PHEX: variants seen among roughly 807,000 people sequenced by gnomAD.
The protein encoded by PHEX is phosphate regulating endopeptidase X-linked.
Under a neutral mutation model 68.0 loss-of-function variants are expected in PHEX, and 16 were observed. The ratio of observed to expected loss-of-function variants is 0.24; its 90% confidence interval spans 0.16 to 0.36. PHEX has a LOEUF of 0.36. Among genes scored for constraint, PHEX ranks in the 10% least tolerant of loss-of-function variants. The probability of loss-of-function intolerance (pLI) is 1.00; values close to 1 mark genes in which losing one functional copy is unlikely to be tolerated. For missense variants in PHEX, 480 were observed against 575.5 expected (o/e 0.83, Z 1.70); for synonymous variants, 208 against 205.1 (o/e 1.01, Z -0.12).
At chrX:22,114,110 C>T (rs186082223) in intron 10 of PHEX, among the ~76,000 whole-genome samples, 8 of 108,183 alleles carry the variant, frequency 7.4e-5, no homozygotes, top group African/African-American at 2.0e-4. Flanking sequence ...CCACCGTGCC[C>T]GGCTAATTTT....
intron 9 of PHEX, among the ~76,000 whole-genome samples, chrX:22,107,198 T>A (rs752636500): frequency 7.8e-4 from 88 of 112,141 alleles, no homozygotes; most frequent in Non-Finnish European, 1.3e-3. Flanking sequence ...AATGGGATGA[T>A]CTCAGGGGAG....
intron 5 of PHEX, among the ~76,000 whole-genome samples, chrX:22,082,303 G>A (rs1181754027): frequency 8.9e-6 from 1 of 111,739 alleles, no homozygotes; most frequent in Non-Finnish European, 1.9e-5. Flanking sequence ...ACAGTGGCTG[G>A]ACTAATTTAC....
At chrX:22,236,808 T>A (rs989240806) in intron 20 of PHEX, among the ~76,000 whole-genome samples, 1 of 107,533 alleles carries the variant, frequency 9.3e-6, no homozygotes, top group African/African-American at 3.4e-5. Context: ...CAATCAGTTC[T>A]TACTATTTAC....
Position 22,244,846 on chromosome X carries a change from C to G in PHEX, c.2071-487C>G, listed in dbSNP as rs768153656. Reference sequence around the variant, plus strand: ...GGCCAGAACAAGCCATATCGCCATGCCCAACTTCAAAGGAGATGGAGAAGT... The same window carrying G: ...GGCCAGAACAAGCCATATCGCCATGGCCAACTTCAAAGGAGATGGAGAAGT... On this transcript the variant is annotated intron_variant, in intron 20 of 21. Coordinates refer to ENST00000379374, the MANE Select transcript of PHEX (RefSeq NM_000444.6). Among the ~76,000 whole-genome samples, 1,029 of 111,605 alleles carry G rather than the reference C, an allele frequency of 9.2e-3. 9 individuals are homozygous for G. The highest frequency in any genetic ancestry group is 0.032 in the African/African-American group (982 of 30,677).
intron 5 of PHEX, among the ~76,000 whole-genome samples, chrX:22,087,583 C>G (rs1336856578): frequency 9.0e-6 from 1 of 111,575 alleles, no homozygotes; most frequent in East Asian, 2.8e-4. Context: ...TCATGGAAAA[C>G]TGTAATCTTA....
Position 22,190,044 on chromosome X carries a change from G to A in PHEX, c.1587-400G>A, listed in dbSNP as rs141736631. 7.6e-3 allele frequency among the ~76,000 whole-genome samples: 852 copies of A among 112,086 alleles called. 8 individuals are homozygous for A. Among genetic ancestry groups the A allele is most frequent in the African/African-American group, 0.026 (802 of 30,836 alleles). ...TTTAAATGGACAGGCCAGAGGTAAT[G>A]CAGCATAGAAACCCAATTGTCCATT... On this transcript the variant is annotated intron_variant, in intron 14 of 21. Transcript: ENST00000379374.
chrX:22,108,293 A>G (rs780365465), intron 9 of PHEX, among the ~76,000 whole-genome samples: 2 of 111,201 alleles, frequency 1.8e-5, no homozygotes, highest in African/African-American at 6.5e-5. Flanking sequence ...CTATATCTTT[A>G]TTTAAATTTA....
chrX:22,211,994 C>T (rs1282636132), intron 15 of PHEX, among the ~76,000 whole-genome samples: 4 of 111,580 alleles, frequency 3.6e-5, no homozygotes, highest in Non-Finnish European at 7.5e-5. Context: ...CACATGGGGA[C>T]TATTACAATT....
Position 22,233,454 on chromosome X carries a change from C to T in PHEX, c.2070+5843C>T, listed in dbSNP as rs140285162. Among the ~76,000 whole-genome samples, 12 of 111,447 alleles carry T rather than the reference C, an allele frequency of 1.1e-4. 1 individual carries two copies. The East Asian group carries it at 2.8e-3, about 26-fold the overall frequency. On this transcript the variant is annotated intron_variant, in intron 20 of 21. Transcript: ENST00000379374. ...GTCACTTTCAGGTACACCAATCAAACGTAGATTTGGTCTTTTCACATAGTC... is the reference window on the plus strand; with the variant it reads ...GTCACTTTCAGGTACACCAATCAAATGTAGATTTGGTCTTTTCACATAGTC...
intron 18 of PHEX, among the ~76,000 whole-genome samples, chrX:22,223,805 G>C (rs1482864513): frequency 8.9e-6 from 1 of 112,573 alleles, no homozygotes; most frequent in Non-Finnish European, 1.9e-5. Context: ...AGCAGGAGTG[G>C]ATATAATCAT....
In PHEX at chrX:22,241,144, A is replaced by T. The variant is rs991386207; in HGVS notation, c.2071-4189A>T. 2.7e-5 allele frequency among the ~76,000 whole-genome samples: 3 copies of T among 112,277 alleles called. No homozygotes were observed. In the East Asian group the frequency reaches 8.3e-4, roughly 31 times the overall value. ...AACTCACTCAAAACTCCCCAACTAC[A>T]TGGAAACTGAACAACCTGCACCTGA... On this transcript the variant is annotated intron_variant, in intron 20 of 21. Transcript: ENST00000379374.
At chrX:22,085,277 T>C (rs151017677) in intron 5 of PHEX, among the ~76,000 whole-genome samples, 149 of 111,697 alleles carry the variant, frequency 1.3e-3, no homozygotes, top group African/African-American at 4.7e-3. Context: ...GCATATTGTT[T>C]AATTTCCACG....
chrX:22,208,352 G>C (rs1307181739), intron 15 of PHEX, among the ~76,000 whole-genome samples: 2 of 112,025 alleles, frequency 1.8e-5, no homozygotes, highest in Non-Finnish European at 3.8e-5. Context: ...GTCTATATCT[G>C]TACCTTGCTT....
At chrX:22,179,491 C>T (rs1023595234) in intron 14 of PHEX, among the ~76,000 whole-genome samples, 14 of 108,249 alleles carry the variant, frequency 1.3e-4, no homozygotes, top group Non-Finnish European at 2.5e-4. Context: ...CCCACTCTTT[C>T]CCCCTAAGTC....
chrX:22,080,233 T>C (rs996647460), intron 5 of PHEX, among the ~76,000 whole-genome samples: 2 of 112,166 alleles, frequency 1.8e-5, no homozygotes, highest in African/African-American at 6.5e-5. Context: ...ATGTCAATGA[T>C]AGAATACTTT....
intron 14 of PHEX, among the ~76,000 whole-genome samples, chrX:22,181,042 T>C (rs1037375011): frequency 8.9e-6 from 1 of 112,251 alleles, no homozygotes; most frequent in African/African-American, 3.2e-5. Context: ...TTGGCTATTG[T>C]GAACAGTTCT....
intron 12 of PHEX, among the ~76,000 whole-genome samples, chrX:22,143,378 T>TA (rs773296112): frequency 1.8e-5 from 2 of 112,155 alleles, no homozygotes; most frequent in Non-Finnish European, 3.8e-5. Flanking sequence ...TCTATGCAGG[T>TA]AAAAACTACT....
At chrX:22,177,534 A>G (rs1381039568) in intron 13 of PHEX, among the ~76,000 whole-genome samples, 2 of 111,628 alleles carry the variant, frequency 1.8e-5, no homozygotes, top group African/African-American at 6.5e-5. Flanking sequence ...TTCTCCTTCC[A>G]AAACAAGGAA....
At chrX:22,201,257 A>C (rs899480609) in intron 15 of PHEX, among the ~76,000 whole-genome samples, 1 of 111,051 alleles carries the variant, frequency 9.0e-6, no homozygotes, top group Non-Finnish European at 1.9e-5. Context: ...GCTTACTGCA[A>C]CCTTCACCTC....
Sources: gnomAD v4.1 joint callset for allele counts (sites outside exome capture counted in the v4.1 genomes callset) on GRCh38, gnomAD v4.1.1 for gene constraint, MANE v1.5 for transcripts, NCBI Gene and HGNC (gene_info 2026-07-23, HGNC 2026-07-21) for gene names.